The following TTBK1 variants were observed in gnomAD, a reference collection of about 807,000 sequenced individuals.
The protein encoded by TTBK1 is tau-tubulin kinase 1.
Under a neutral mutation model 108.5 loss-of-function variants are expected in TTBK1, and 34 were observed. That is an observed-to-expected ratio of 0.31 (90% confidence interval 0.24 to 0.42). The LOEUF (loss-of-function observed/expected upper bound fraction) is 0.42. Among genes scored for constraint, TTBK1 ranks in the 10% least tolerant of loss-of-function variants. TTBK1 has a pLI of 1.00. For synonymous variants in TTBK1, 809 were observed against 795.1 expected, an observed-to-expected ratio of 1.02 and a Z score of -0.29; for missense variants, 1,539 against 1,826.0, an observed-to-expected ratio of 0.84 and a Z score of 2.86.
intron 13 of TTBK1, among the ~76,000 whole-genome samples, chr6:43,267,348 T>A (rs1345682691): frequency 6.6e-6 from 1 of 151,938 alleles, no homozygotes; most frequent in African/African-American, 2.4e-5. Flanking sequence ...AGAATCACAG[T>A]TTTTGGGACT....
At chr6:43,248,502 C>T (rs1045495325) in intron 2 of TTBK1, among the ~76,000 whole-genome samples, 1 of 152,172 alleles carries the variant, frequency 6.6e-6, no homozygotes, top group Admixed American at 6.5e-5. Flanking sequence ...GTGGGAGGAT[C>T]ACTTGGGGTC....
rs528623067 is a variant in TTBK1, at chr6:43,284,965, C to T, written c.3573-18C>T. 1.5e-5 allele frequency: 23 copies of T among 1,508,098 alleles called. 2 individuals are homozygous for T. In the South Asian group the frequency reaches 2.7e-4, roughly 18 times the overall value. The allele number at this position is 1,508,098 out of a possible 1,614,324, so 93.4% of individuals were successfully genotyped here. ...TTCTTTGCCCTCTTCTTTTCTCCTG[C>T]CTTCTGCTCTCAAGCAGGCTCCAGC... On this transcript the variant is annotated intron_variant, in intron 14 of 14. Coordinates refer to ENST00000259750, the MANE Select transcript of TTBK1 (RefSeq NM_032538.3).
chr6:43,271,031 C>A (rs1053564374), intron 13 of TTBK1: 56 of 985,328 alleles, frequency 5.7e-5, no homozygotes, highest in Non-Finnish European at 6.6e-5. Flanking sequence ...TGCCAGCTTG[C>A]GCCTGCCTCT....
At position 43,255,865 on chromosome 6, in the gene TTBK1, C is replaced by T. The variant is rs192229532; in HGVS notation, c.861+9C>T. On this transcript the variant is annotated intron_variant, in intron 9 of 14. Coordinates refer to ENST00000259750, the MANE Select transcript of TTBK1 (RefSeq NM_032538.3). ...CCAAGCCCGACTACCAGGTGGGAGC[C>T]TGCTACCCTGCCCCCGCTCCCTCGA... 411 of 1,614,106 alleles carry T rather than the reference C, an allele frequency of 2.5e-4. 1 individual carries two copies. In the African/African-American group the frequency reaches 4.9e-3, roughly 19 times the overall value.
At chr6:43,275,593 C>T (rs1226581059) in intron 13 of TTBK1, among the ~76,000 whole-genome samples, 4 of 152,018 alleles carry the variant, frequency 2.6e-5, no homozygotes, top group Non-Finnish European at 5.9e-5. Flanking sequence ...TCGGGCTGCC[C>T]CCCACCCCGC....
rs1404865001 is a variant in TTBK1, at chr6:43,269,939, C to T, written c.1986+6589C>T. On this transcript the variant is annotated intron_variant, in intron 13 of 14. Coordinates refer to ENST00000259750, the MANE Select transcript of TTBK1 (RefSeq NM_032538.3). The surrounding 1 kb of genome is among the most constrained non-coding windows in gnomAD (Gnocchi z 4.8). Reference sequence around the variant, plus strand: ...TGCAGCAGGTGTGGGCCCGGTTCACCCACAAGACCTAGGCTGGGCCCCCCC... The same window carrying T: ...TGCAGCAGGTGTGGGCCCGGTTCACTCACAAGACCTAGGCTGGGCCCCCCC... 2 of 1,466,710 alleles carry T rather than the reference C, an allele frequency of 1.4e-6. No homozygotes were observed. The highest frequency in any genetic ancestry group is 1.8e-6 in the Non-Finnish European group (2 of 1,111,588). 90.9% of individuals were successfully genotyped at this position (1,466,710 alleles called of 1,614,324 possible).
At chr6:43,267,624 GT>G (rs1004668580) in intron 13 of TTBK1, among the ~76,000 whole-genome samples, 8 of 151,734 alleles carry the variant, frequency 5.3e-5, no homozygotes, top group African/African-American at 1.2e-4. Flanking sequence ...GTGATGGTGG[GT>G]TTTTTTGTTT....
rs545160384 is a variant in TTBK1, at chr6:43,266,856, T to A, written c.1986+3506T>A. On this transcript the variant is annotated intron_variant, in intron 13 of 14. Transcript: ENST00000259750. The stretch of plus-strand genomic sequence containing the variant: ...GTCTTGAGCTCCTGACCTCAGGTGA[T>A]CTGCCTGCCTCGGCCTCCCAAATTG... 7.9e-5 allele frequency among the ~76,000 whole-genome samples: 12 copies of A among 152,274 alleles called. No homozygotes were observed. The South Asian group carries it at 2.3e-3, about 29-fold the overall frequency.
intron 9 of TTBK1, 107 bp downstream of exon 9, chr6:43,255,963 A>C (rs911605058): frequency 7.8e-6 from 11 of 1,418,112 alleles, no homozygotes; most frequent in Non-Finnish European, 1.1e-5. Flanking sequence ...CCTTGTCCCC[A>C]AGCCTCTCCC....
chr6:43,250,927 A>G (rs1777220910), intron 2 of TTBK1, among the ~76,000 whole-genome samples: 1 of 152,244 alleles, frequency 6.6e-6, no homozygotes, highest in South Asian at 2.1e-4. Flanking sequence ...CCCCAGAGGC[A>G]GACATGCCGT....
In TTBK1 at chr6:43,263,176, G is replaced by A. The variant is rs374249765; in HGVS notation, c.1812G>A (p.Ala604=). The stretch of plus-strand genomic sequence containing the variant: ...GGGGACGCAGCATGCAGGCGCTGGC[G>A]GAGGAGGACCTGCAGCATTTGCCGC... The part of the protein sequence containing the change: ...RPRGRSMQAL[A]EEDLQHLPPQ... The change falls in exon 13 of 15, where the codon GCG becomes GCA. Residue 604 remains alanine, a synonymous_variant. Coordinates refer to ENST00000259750, the MANE Select transcript of TTBK1 (RefSeq NM_032538.3). This position sits in a 1 kb window ranked among gnomAD's most constrained non-coding sequence, Gnocchi z 4.7. 20 of 1,578,072 alleles carry A rather than the reference G, an allele frequency of 1.3e-5. No homozygotes were observed. Among genetic ancestry groups the A allele is most frequent in the African/African-American group, 4.0e-5 (3 of 74,346 alleles).
At chr6:43,245,928 T>G (rs922720221) in intron 1 of TTBK1, among the ~76,000 whole-genome samples, 1 of 152,206 alleles carries the variant, frequency 6.6e-6, no homozygotes, top group Non-Finnish European at 1.5e-5. Flanking sequence ...AATCCATGTC[T>G]TGAGTCCATC....
chr6:43,248,745 A>T (rs1440817193), intron 2 of TTBK1, among the ~76,000 whole-genome samples: 2 of 152,072 alleles, frequency 1.3e-5, no homozygotes, highest in African/African-American at 4.8e-5. Context: ...TAAATCCTCA[A>T]TACTTGGCAG....
chr6:43,271,122 C>G (rs2150703770), intron 13 of TTBK1: 1 of 985,506 alleles, frequency 1.0e-6, no homozygotes, highest in South Asian at 4.7e-5. Context: ...TCAGCCAGCA[C>G]CTCTGTTCCC....
rs886482162 is a variant in TTBK1 at position 43,285,403 on chromosome 6, C to T, written c.*27C>T. On this transcript the variant is annotated 3_prime_UTR_variant, in exon 15 of 15. Transcript: ENST00000259750. The surrounding 1 kb of genome is among the most constrained non-coding windows in gnomAD (Gnocchi z 4.7). The stretch of plus-strand genomic sequence containing the variant: ...GACGCCCGCTGCTCTCCGCGGTCCC[C>T]CACCCTCACCCCGGCCCCCCACCCG... 11 of 1,258,772 alleles carry T rather than the reference C, an allele frequency of 8.7e-6. No homozygotes were observed. Among genetic ancestry groups the T allele is most frequent in the Admixed American group, 4.2e-5 (1 of 23,678 alleles). 78.0% of individuals were successfully genotyped at this position (1,258,772 alleles called of 1,614,324 possible).
rs1409744069 is a variant in TTBK1, at chr6:43,269,841, C to G, written c.1986+6491C>G. ...GAGCAGCCCTGTGCGGGCGCCCCACCGGCGCCACGCGCCCCTCGCTGCTGG... is the reference window on the plus strand; with the variant it reads ...GAGCAGCCCTGTGCGGGCGCCCCACGGGCGCCACGCGCCCCTCGCTGCTGG... On this transcript the variant is annotated intron_variant, in intron 13 of 14. Coordinates refer to ENST00000259750, the MANE Select transcript of TTBK1 (RefSeq NM_032538.3). The surrounding 1 kb of genome is among the most constrained non-coding windows in gnomAD (Gnocchi z 4.8). The G allele has an allele frequency of 6.5e-7, 1 of 1,534,736 alleles. No homozygotes were observed. Among genetic ancestry groups the G allele is most frequent in the Non-Finnish European group, 8.7e-7 (1 of 1,145,844 alleles).
At chr6:43,279,453 G>A (rs1778091138) in intron 13 of TTBK1, among the ~76,000 whole-genome samples, 1 of 152,150 alleles carries the variant, frequency 6.6e-6, no homozygotes, top group Non-Finnish European at 1.5e-5. Flanking sequence ...GTTCAGAGGT[G>A]GTTGGGAGAG....
intron 2 of TTBK1, among the ~76,000 whole-genome samples, chr6:43,251,896 C>T (rs1348434414): frequency 6.6e-6 from 1 of 152,188 alleles, no homozygotes; most frequent in African/African-American, 2.4e-5. Context: ...TCCCCTTTTG[C>T]CCACATACTC....
chr6:43,285,205 G>GGCCCGGCCCGGGGTCC lies in TTBK1; in HGVS notation c.3796_3811dup (p.Pro1271ArgfsTer19). The GGCCCGGCCCGGGGTCC allele has an allele frequency of 7.5e-7, 1 of 1,326,972 alleles. No individual in the cohort carries two copies. The highest frequency in any genetic ancestry group is 9.6e-7 in the Non-Finnish European group (1 of 1,043,288). 82.2% of individuals were successfully genotyped at this position (1,326,972 alleles called of 1,614,324 possible). On this transcript the variant is annotated frameshift_variant, in exon 15 of 15. Coordinates refer to ENST00000259750, the MANE Select transcript of TTBK1 (RefSeq NM_032538.3). LOFTEE classifies it high-confidence loss of function. This position sits in a 1 kb window ranked among gnomAD's most constrained non-coding sequence, Gnocchi z 4.7. Reference sequence around the variant, plus strand: ...GAGAGAGCCCCTCCCCCTCGCACCAGGCCCGGCCCGGGGTCCCCCCGCCCC... The same window carrying GGCCCGGCCCGGGGTCC: ...GAGAGAGCCCCTCCCCCTCGCACCAGGCCCGGCCCGGGGTCCGCCCGGCCCGGGGTCCCCCCGCCCC...
Sources: allele counts gnomAD v4.1 joint callset (sites outside exome capture counted in the v4.1 genomes callset), GRCh38; gene constraint gnomAD v4.1.1; non-coding constraint Gnocchi (gnomAD v3.1); transcripts MANE v1.5; gene names NCBI Gene and HGNC (gene_info 2026-07-23, HGNC 2026-07-21).